Variants in RREB1 observed in about 807,000 individuals in gnomAD.
RREB1 encodes the protein ras-responsive element-binding protein 1.
A neutral mutation model predicts 117.8 loss-of-function variants in RREB1; 27 were observed. The observed-to-expected ratio is 0.23, with a 90% CI of 0.17 to 0.32. RREB1 has a LOEUF of 0.32. RREB1 is among the 10% of genes least tolerant of loss of function. The pLI is 1.00. For synonymous variants in RREB1, 1,298 were observed against 1,026.7 expected (o/e 1.26, Z -5.05); for missense variants, 2,577 against 2,378.2 (o/e 1.08, Z -1.74).
intron 1 of RREB1, among the ~76,000 whole-genome samples, chr6:7,163,897 A>G (rs1763793946): frequency 6.6e-6 from 1 of 152,228 alleles, no homozygotes; most frequent in African/African-American, 2.4e-5. Context: ...TTGTCTGTAC[A>G]GGTTGTTCCT....
At chr6:7,108,455 G>C (rs1047573259) in intron 1 of RREB1, among the ~76,000 whole-genome samples, 3 of 151,964 alleles carry the variant, frequency 2.0e-5, no homozygotes, top group African/African-American at 7.3e-5. Flanking sequence ...TTAGCCGTCC[G>C]AGCGCAGGAA....
At chr6:7,119,416 C>T (rs1761567258) in intron 1 of RREB1, among the ~76,000 whole-genome samples, 1 of 152,150 alleles carries the variant, frequency 6.6e-6, no homozygotes, top group African/African-American at 2.4e-5. Flanking sequence ...TGCTAAGTGC[C>T]ACCAGTGTGT....
At chr6:7,196,046 T>TC (rs1338575652) in intron 6 of RREB1, among the ~76,000 whole-genome samples, 4 of 151,886 alleles carry the variant, frequency 2.6e-5, no homozygotes, top group Admixed American at 6.6e-5. Context: ...AGCTTACCCT[T>TC]CCCCCTCCTC....
chr6:7,230,620 G>A lies in RREB1; in HGVS notation c.2521G>A (p.Ala841Thr). ...CCCCGCAGAGGCGCCGGCCGCTGAG[G>A]CGTCGGGGCGCGGGGAGGACAGTGG... is the stretch of plus-strand genomic sequence containing the variant. The part of the protein sequence containing the change: ...LGPAEAPAAE[A>T]SGRGEDSGCA... The change falls in exon 10 of 13, where the codon GCG becomes ACG. Residue 841 changes from alanine to threonine, a missense_variant. Coordinates refer to ENST00000379938, the MANE Select transcript of RREB1 (RefSeq NM_001003699.4). The A allele has an allele frequency of 1.2e-6, 2 of 1,604,180 alleles. No individual in the cohort carries two copies. The highest frequency in any genetic ancestry group is 2.2e-5 in the East Asian group (1 of 44,612).
At chr6:7,108,916 G>A (rs1168249692) in intron 1 of RREB1, among the ~76,000 whole-genome samples, 2 of 151,726 alleles carry the variant, frequency 1.3e-5, no homozygotes, top group Non-Finnish European at 2.9e-5. Flanking sequence ...CTGGGGAGGA[G>A]GGGACCGGGC....
chr6:7,184,929 C>T (rs1765001537), intron 4 of RREB1: 2 of 152,080 alleles, frequency 1.3e-5, no homozygotes, highest in Admixed American at 1.3e-4. Context: ...CAACAATACC[C>T]CGGAGGTGGA....
chr6:7,125,530 C>CAA (rs1491310088), intron 1 of RREB1, among the ~76,000 whole-genome samples: 1 of 152,184 alleles, frequency 6.6e-6, no homozygotes, highest in Non-Finnish European at 1.5e-5. Context: ...GTTTCAGACT[C>CAA]ACAGGTTGCC....
At chr6:7,247,795 G>T (rs1161078303) in intron 12 of RREB1, among the ~76,000 whole-genome samples, 2 of 152,232 alleles carry the variant, frequency 1.3e-5, no homozygotes, top group African/African-American at 4.8e-5. Context: ...AGACCCCAGA[G>T]CAGGGGCGCT....
chr6:7,232,659 A>T (rs1031138893), intron 10 of RREB1, among the ~76,000 whole-genome samples: 2 of 151,936 alleles, frequency 1.3e-5, no homozygotes, highest in Non-Finnish European at 2.9e-5. Flanking sequence ...GAGCCCATCA[A>T]CCTGTCCATC....
chr6:7,114,086 T>C (rs1761271871), intron 1 of RREB1, among the ~76,000 whole-genome samples: 1 of 152,186 alleles, frequency 6.6e-6, no homozygotes, highest in Non-Finnish European at 1.5e-5. Flanking sequence ...TTTTTGTTTT[T>C]AGTGCTGGGA....
At chr6:7,194,917 T>C (rs1581521220) in intron 6 of RREB1, among the ~76,000 whole-genome samples, 1 of 152,228 alleles carries the variant, frequency 6.6e-6, no homozygotes, top group African/African-American at 2.4e-5. Flanking sequence ...CTGACACCTC[T>C]GTGTCCTAAT....
chr6:7,249,093 G>GAGAGAGAGAGAGAGAC lies in RREB1; in HGVS notation c.*136_*137insGAGACAGAGAGAGAGA, dbSNP rs1561812075. Reference sequence around the variant, plus strand: ...AGAGAGAGAGAGAGAGAGAGAGAGAGAGAGAGAGAGACAAGCAGGAGCGTG... The same window carrying GAGAGAGAGAGAGAGAC: ...AGAGAGAGAGAGAGAGAGAGAGAGAGAGAGAGAGAGAGAGACAGAGAGAGAGACAAGCAGGAGCGTG... On this transcript the variant is annotated 3_prime_UTR_variant, in exon 13 of 13. Transcript: ENST00000379938. 7 of 758,714 alleles carry GAGAGAGAGAGAGAGAC rather than the reference G, an allele frequency of 9.2e-6. No homozygotes were observed. The African/African-American group carries it at 1.1e-4, about 12-fold the overall frequency. The allele number at this position is 758,714 out of a possible 1,614,324, so 47.0% of individuals were successfully genotyped here.
At chr6:7,204,058 T>C (rs962562753) in intron 6 of RREB1, among the ~76,000 whole-genome samples, 1 of 152,214 alleles carries the variant, frequency 6.6e-6, no homozygotes, top group South Asian at 2.1e-4. Context: ...ACAGCGAGCC[T>C]ACAGACTGTG....
intron 1 of RREB1, among the ~76,000 whole-genome samples, chr6:7,170,154 C>G (rs991950807): frequency 6.6e-6 from 1 of 152,160 alleles, no homozygotes; most frequent in African/African-American, 2.4e-5. Context: ...ATAAAATGCT[C>G]CAGGTCAAGA....
intron 1 of RREB1, among the ~76,000 whole-genome samples, chr6:7,123,257 A>C (rs915854029): frequency 6.6e-6 from 1 of 151,880 alleles, no homozygotes; most frequent in Non-Finnish European, 1.5e-5. Context: ...TCCCGGGTTC[A>C]AGCGATTCTC....
chr6:7,237,403 T>C (rs935723054), intron 10 of RREB1, among the ~76,000 whole-genome samples: 6 of 151,764 alleles, frequency 4.0e-5, no homozygotes, highest in African/African-American at 2.4e-5. Context: ...TTTATTATTA[T>C]TTGTTATAGA....
rs115318121 is a variant in RREB1 at position 7,210,931 on chromosome 6, C to T, written c.553C>T (p.Pro185Ser). 6.2e-7 allele frequency: 1 copy of T among 1,613,756 alleles called. No homozygotes were observed. The highest frequency in any genetic ancestry group is 2.2e-5 in the East Asian group (1 of 44,880). The stretch of plus-strand genomic sequence containing the variant: ...CGATGCCGAGTCAGAGAGAGAAGAC[C>T]CAGCACCAGCTAAAAAGGTCCTCTT... ...SHDAESERED[P>S]APAKKMVEDG... Residue 185 changes from proline (P) to serine (S), a missense_variant, in exon 7 of 13, where the codon CCA (proline) becomes TCA (serine). By Grantham distance (74) the Pro-to-Ser change is moderately conservative. Coordinates refer to ENST00000379938, the MANE Select transcript of RREB1 (RefSeq NM_001003699.4).
intron 4 of RREB1, among the ~76,000 whole-genome samples, chr6:7,186,568 G>A (rs34695416): frequency 0.055 from 8,451 of 152,274 alleles, 337 homozygotes; most frequent in Middle Eastern, 0.17. Context: ...ACAGGAACCC[G>A]TGGTCTTAGG....
intron 4 of RREB1, 132 bp downstream of exon 4, chr6:7,182,214 C>A (rs1479488466): frequency 6.0e-6 from 5 of 838,502 alleles, no homozygotes; most frequent in Non-Finnish European, 8.9e-6. Context: ...AGGCCTTGAT[C>A]ATTTTTCAAG....
Sources: gnomAD v4.1 joint callset for allele counts (sites outside exome capture counted in the v4.1 genomes callset) on GRCh38, gnomAD v4.1.1 for gene constraint, MANE v1.5 for transcripts, NCBI Gene and HGNC (gene_info 2026-07-23, HGNC 2026-07-21) for gene names.